Variants in SIPA1L1 observed in about 807,000 individuals in gnomAD.
SIPA1L1 encodes the protein signal induced proliferation associated 1 like 1, also known as signal-induced proliferation-associated 1-like protein 1.
In SIPA1L1, 26 loss-of-function variants were observed where a neutral mutation model predicts 162.7. The observed-to-expected ratio is 0.16, with a 90% CI of 0.12 to 0.22. The LOEUF is 0.22. SIPA1L1 is among the 10% of genes least tolerant of loss of function. SIPA1L1 has a pLI of 1.00. For missense variants in SIPA1L1, 1,874 were observed against 2,241.0 expected, an observed-to-expected ratio of 0.84 and a Z score of 3.31; for synonymous variants, 829 against 837.4, an observed-to-expected ratio of 0.99 and a Z score of 0.17.
chr14:71,512,020 C>T (rs1436088508), intron 2 of SIPA1L1, among the ~76,000 whole-genome samples: 3 of 152,184 alleles, frequency 2.0e-5, no homozygotes, highest in Non-Finnish European at 4.4e-5. Flanking sequence ...TACCTGTTTT[C>T]TGGAGTTTTG....
chr14:71,707,276 A>G (rs1021843041), intron 16 of SIPA1L1, among the ~76,000 whole-genome samples: 1 of 152,148 alleles, frequency 6.6e-6, no homozygotes, highest in African/African-American at 2.4e-5. Flanking sequence ...ACTCTATAAA[A>G]TGTTCTTTCT....
intron 2 of SIPA1L1, among the ~76,000 whole-genome samples, chr14:71,489,142 C>CAGATTT (rs1567095137): frequency 6.6e-6 from 1 of 152,214 alleles, no homozygotes; most frequent in East Asian, 1.9e-4. Flanking sequence ...AAATGGAGGT[C>CAGATTT]AGATTTAGAA....
At chr14:71,547,905 C>T (rs905747319) in intron 4 of SIPA1L1, among the ~76,000 whole-genome samples, 1 of 152,128 alleles carries the variant, frequency 6.6e-6, no homozygotes. Flanking sequence ...CAGCTGAGCG[C>T]GGGTGGCACA....
intron 2 of SIPA1L1, among the ~76,000 whole-genome samples, chr14:71,491,619 C>T (rs1215915990): frequency 6.6e-6 from 1 of 151,972 alleles, no homozygotes; most frequent in Admixed American, 6.6e-5. Context: ...ACTGCAGCCT[C>T]GACCTCCCCG....
intron 4 of SIPA1L1, among the ~76,000 whole-genome samples, chr14:71,537,281 A>C (rs1306941934): frequency 1.3e-5 from 2 of 152,076 alleles, no homozygotes; most frequent in South Asian, 4.1e-4. Context: ...GCTCACTGCA[A>C]CCTCCACTTC....
chr14:71,599,818 A>G (rs1225508027), intron 5 of SIPA1L1, among the ~76,000 whole-genome samples: 2 of 152,064 alleles, frequency 1.3e-5, no homozygotes, highest in Non-Finnish European at 2.9e-5. Context: ...TCTAACTGGG[A>G]TAAGATGATT....
At chr14:71,585,240 A>T (rs2034439942) in intron 4 of SIPA1L1, among the ~76,000 whole-genome samples, 1 of 152,114 alleles carries the variant, frequency 6.6e-6, no homozygotes, top group East Asian at 1.9e-4. Context: ...CTGTTATTTA[A>T]CATAATTGCC....
At chr14:71,616,542 A>G (rs942575111) in intron 5 of SIPA1L1, among the ~76,000 whole-genome samples, 1 of 150,244 alleles carries the variant, frequency 6.7e-6, no homozygotes, top group Non-Finnish European at 1.5e-5. Flanking sequence ...AAAGAGGGTC[A>G]TCAAGGTACC....
intron 4 of SIPA1L1, among the ~76,000 whole-genome samples, chr14:71,558,311 G>A (rs2056511958): frequency 6.6e-6 from 1 of 152,114 alleles, no homozygotes; most frequent in Non-Finnish European, 1.5e-5. Context: ...GAGATGTTTG[G>A]TGATCTCATG....
intron 2 of SIPA1L1, among the ~76,000 whole-genome samples, chr14:71,496,926 C>T (rs764259613): frequency 1.8e-4 from 27 of 152,262 alleles, no homozygotes; most frequent in Non-Finnish European, 3.2e-4. Context: ...AATCCCAGCA[C>T]TTTGGGAGGC....
At chr14:71,550,707 C>T (rs1013228162) in intron 4 of SIPA1L1, among the ~76,000 whole-genome samples, 5 of 152,050 alleles carry the variant, frequency 3.3e-5, no homozygotes, top group African/African-American at 1.2e-4. Context: ...ACTCTTCAGA[C>T]TTGTATTTCC....
At position 71,500,443 on chromosome 14, in the gene SIPA1L1, T is replaced by G. The variant is rs554995030; in HGVS notation, c.-464-12300T>G. The stretch of plus-strand genomic sequence containing the variant: ...AGCGCAAATTAAAGCCACAGTTGTA[T>G]TATTATATTCTTACCAGTAGAACAA... On this transcript the variant is annotated intron_variant, in intron 2 of 23. Coordinates refer to ENST00000381232, the MANE Select transcript of SIPA1L1 (RefSeq NM_001386936.1). Among the ~76,000 whole-genome samples the G allele has an allele frequency of 2.0e-5, 3 of 152,344 alleles. No individual in the cohort carries two copies. In the East Asian group the frequency reaches 5.8e-4, roughly 29 times the overall value.
At chr14:71,532,714 A>G (rs1180450939) in intron 4 of SIPA1L1, among the ~76,000 whole-genome samples, 1 of 152,244 alleles carries the variant, frequency 6.6e-6, no homozygotes, top group Non-Finnish European at 1.5e-5. Flanking sequence ...TAAAAGTATT[A>G]TAGAGGGTAC....
rs1276644726 is a variant in SIPA1L1, at chr14:71,377,844, C to T, written c.-465+56663C>T. Among the ~76,000 whole-genome samples, 10 of 152,162 alleles carry T rather than the reference C, an allele frequency of 6.6e-5. No homozygotes were observed. Among genetic ancestry groups the T allele is most frequent in the African/African-American group, 1.7e-4 (7 of 41,434 alleles). On this transcript the variant is annotated intron_variant, in intron 2 of 23. Transcript: ENST00000381232. The surrounding 1 kb of genome is among the most constrained non-coding windows in gnomAD (Gnocchi z 4.8). ...TACAAAAACCAGTCAGGCGTGGCGG[C>T]GCGTGCCTGCAATCCCAGGCACTCG...
intron 5 of SIPA1L1, among the ~76,000 whole-genome samples, chr14:71,606,758 G>C (rs2037564560): frequency 1.3e-5 from 2 of 152,036 alleles, no homozygotes; most frequent in Non-Finnish European, 2.9e-5. Context: ...TCAATTTCCT[G>C]GTTTTGACAA....
intron 2 of SIPA1L1, among the ~76,000 whole-genome samples, chr14:71,480,476 A>C (rs1470691386): frequency 1.3e-5 from 2 of 150,554 alleles, no homozygotes; most frequent in Non-Finnish European, 3.0e-5. Context: ...AAAAAGAAGA[A>C]GTCAGCCGTG....
intron 2 of SIPA1L1, among the ~76,000 whole-genome samples, chr14:71,480,228 G>A (rs1183769122): frequency 2.0e-5 from 3 of 151,536 alleles, no homozygotes; most frequent in African/African-American, 4.8e-5. Context: ...GATTACAGGC[G>A]TTTGCCACCA....
chr14:71,649,962 C>T (rs1567398055), intron 7 of SIPA1L1, among the ~76,000 whole-genome samples: 1 of 151,992 alleles, frequency 6.6e-6, no homozygotes, highest in Non-Finnish European at 1.5e-5. Flanking sequence ...TTTGTAAAGA[C>T]CTCCCTTTTA....
intron 4 of SIPA1L1, among the ~76,000 whole-genome samples, chr14:71,558,187 C>A (rs2056500980): frequency 6.6e-6 from 1 of 152,038 alleles, no homozygotes; most frequent in Admixed American, 6.6e-5. Flanking sequence ...AATGATGCCT[C>A]AAATATTTAT....
Sources: gnomAD v4.1 joint callset for allele counts (sites outside exome capture counted in the v4.1 genomes callset) on GRCh38, gnomAD v4.1.1 for gene constraint, Gnocchi (gnomAD v3.1) non-coding constraint, MANE v1.5 for transcripts, NCBI Gene and HGNC (gene_info 2026-07-23, HGNC 2026-07-21) for gene names.